ATP6V0D2: variants seen among roughly 807,000 people sequenced by gnomAD.
The protein encoded by ATP6V0D2 is ATPase H+ transporting V0 subunit d2, also known as V-type proton ATPase subunit d 2.
Under a neutral mutation model 40.0 loss-of-function variants are expected in ATP6V0D2, and 40 were observed. That is an observed-to-expected ratio of 1.00 (90% CI 0.78 to 1.30). The LOEUF (loss-of-function observed/expected upper bound fraction) is 1.30, where lower values mean the gene tolerates loss of function less well. Among genes scored for constraint, ATP6V0D2 ranks in the 50% most tolerant of loss-of-function variants. The pLI, the probability that ATP6V0D2 is intolerant of heterozygous loss-of-function variation, is 0.00. For missense variants in ATP6V0D2, 470 were observed against 423.1 expected, an observed-to-expected ratio of 1.11 and a Z score of -0.97; for synonymous variants, 179 against 156.3, an observed-to-expected ratio of 1.15 and a Z score of -1.08.
intron 2 of ATP6V0D2, among the ~76,000 whole-genome samples, chr8:86,136,356 A>G (rs1818896762): frequency 6.6e-6 from 1 of 152,134 alleles, no homozygotes; most frequent in African/African-American, 2.4e-5. Flanking sequence ...CGTTGCTCTA[A>G]TAGTCCTCTG....
At position 86,141,475 on chromosome 8, in the gene ATP6V0D2, T is replaced by C; in HGVS notation, c.507T>C (p.Ser169=). The stretch of plus-strand genomic sequence containing the variant: ...CTCCATTCTTCCAAGACTGCATGTC[T>C]GAAAATGCTCTAGATGAACTGAATA... ...PLAPFFQDCM[S]ENALDELNIE... Residue 169 remains serine, a synonymous_variant, in exon 4 of 8, where the codon TCT becomes TCC. Transcript: ENST00000285393. 1 of 1,611,014 alleles carries C rather than the reference T, an allele frequency of 6.2e-7. No homozygotes were observed.
At chr8:86,134,844 A>G (rs1261692089) in intron 2 of ATP6V0D2, among the ~76,000 whole-genome samples, 4 of 152,218 alleles carry the variant, frequency 2.6e-5, no homozygotes, top group African/African-American at 9.6e-5. Flanking sequence ...ACTCACCAAT[A>G]AAAAGGAACA....
intron 5 of ATP6V0D2, among the ~76,000 whole-genome samples, chr8:86,145,190 G>T (rs1451420821): frequency 1.6e-4 from 2 of 12,356 alleles, no homozygotes; most frequent in Admixed American, 8.1e-4. Flanking sequence ...GAGAAAGAAA[G>T]AAAGAAAAGA....
At chr8:86,107,503 T>C (rs1470699962) in intron 1 of ATP6V0D2, among the ~76,000 whole-genome samples, 1 of 152,260 alleles carries the variant, frequency 6.6e-6, no homozygotes, top group Non-Finnish European at 1.5e-5. Context: ...GTTACTTCTC[T>C]GAGCCTCAGT....
intron 6 of ATP6V0D2, among the ~76,000 whole-genome samples, chr8:86,150,733 T>C (rs977700185): frequency 6.6e-6 from 1 of 152,172 alleles, no homozygotes; most frequent in Admixed American, 6.5e-5. Context: ...GTTTTTCCAC[T>C]CACCTTGCTG....
chr8:86,146,199 T>A (rs1194662944), intron 5 of ATP6V0D2, among the ~76,000 whole-genome samples: 1 of 152,160 alleles, frequency 6.6e-6, no homozygotes, highest in Non-Finnish European at 1.5e-5. Context: ...AAGGTAAGAA[T>A]TACATCTTTG....
chr8:86,135,142 T>G (rs1241856190), intron 2 of ATP6V0D2, among the ~76,000 whole-genome samples: 1 of 152,116 alleles, frequency 6.6e-6, no homozygotes, highest in Non-Finnish European at 1.5e-5. Flanking sequence ...CATGCCAGAG[T>G]GCTTAGTGAA....
At chr8:86,101,771 T>C (rs1818402238) in intron 1 of ATP6V0D2, among the ~76,000 whole-genome samples, 1 of 152,142 alleles carries the variant, frequency 6.6e-6, no homozygotes, top group Admixed American at 6.5e-5. Context: ...GAATTTTCCA[T>C]ACAGCGTCAG....
intron 1 of ATP6V0D2, among the ~76,000 whole-genome samples, chr8:86,106,488 G>A (rs1306975902): frequency 6.6e-6 from 1 of 152,110 alleles, no homozygotes; most frequent in East Asian, 1.9e-4. Flanking sequence ...TCACTGGGAG[G>A]ATCCAAAATA....
chr8:86,115,589 C>T (rs1320002643), intron 2 of ATP6V0D2, among the ~76,000 whole-genome samples: 2 of 151,590 alleles, frequency 1.3e-5, no homozygotes, highest in East Asian at 1.9e-4. Flanking sequence ...GGGCTGGTCT[C>T]GAGCTTCCAA....
chr8:86,143,212 G>A (rs1194107922), intron 5 of ATP6V0D2, among the ~76,000 whole-genome samples: 1 of 152,040 alleles, frequency 6.6e-6, no homozygotes, highest in Non-Finnish European at 1.5e-5. Context: ...CACAGATTTG[G>A]TTATGATTCA....
At chr8:86,143,000 C>A in intron 5 of ATP6V0D2, 46 bp downstream of exon 5, 1 of 1,351,694 alleles carries the variant, frequency 7.4e-7, no homozygotes, top group Non-Finnish European at 1.0e-6. Context: ...AAGGTGCTTA[C>A]ATATTTTTAT....
chr8:86,103,632 A>G (rs530359502), intron 1 of ATP6V0D2, among the ~76,000 whole-genome samples: 22 of 152,224 alleles, frequency 1.4e-4, no homozygotes, highest in Admixed American at 1.4e-3. Flanking sequence ...AACAAGATAG[A>G]GTCCCTGCCC....
intron 5 of ATP6V0D2, among the ~76,000 whole-genome samples, chr8:86,147,652 G>A (rs16890146): frequency 0.016 from 2,375 of 152,200 alleles, 64 homozygotes; most frequent in African/African-American, 0.054. Context: ...AGAAGAGTAA[G>A]GTAGATATAT....
At position 86,139,445 on chromosome 8, in the gene ATP6V0D2, C is replaced by T; in HGVS notation, c.303-12C>T. ...AGCTGTCCTCTAATGATTGAGTTGT[C>T]TTCTGAACCAGGTGCAGTTATATGA... On this transcript the variant is annotated splice_polypyrimidine_tract_variant and intron_variant, in intron 2 of 7. Coordinates refer to ENST00000285393, the MANE Select transcript of ATP6V0D2 (RefSeq NM_152565.1). The T allele has an allele frequency of 1.3e-6, 2 of 1,592,534 alleles. No homozygotes were observed. Among genetic ancestry groups the T allele is most frequent in the Non-Finnish European group, 1.7e-6 (2 of 1,170,762 alleles).
At chr8:86,121,507 T>C (rs1188539973) in intron 2 of ATP6V0D2, among the ~76,000 whole-genome samples, 1 of 151,594 alleles carries the variant, frequency 6.6e-6, no homozygotes, top group Non-Finnish European at 1.5e-5. Flanking sequence ...GAAGTGGAGG[T>C]TGCAGTGAGC....
At chr8:86,150,619 A>C (rs1428834919) in intron 6 of ATP6V0D2, among the ~76,000 whole-genome samples, 1 of 152,102 alleles carries the variant, frequency 6.6e-6, no homozygotes, top group Admixed American at 6.5e-5. Flanking sequence ...TATCAACGTT[A>C]TGTAAAATAG....
intron 5 of ATP6V0D2, among the ~76,000 whole-genome samples, chr8:86,149,055 G>GAAAAAAAA (rs1376369799): frequency 1.9e-4 from 21 of 110,138 alleles, no homozygotes; most frequent in African/African-American, 2.5e-4. Flanking sequence ...TCCAAAGGAA[G>GAAAAAAAA]AAAAAAAAAA....
intron 2 of ATP6V0D2, among the ~76,000 whole-genome samples, chr8:86,116,329 T>C (rs1345091283): frequency 6.6e-6 from 1 of 152,218 alleles, no homozygotes; most frequent in Non-Finnish European, 1.5e-5. Flanking sequence ...TTCTGTACTT[T>C]TTTCCCACTT....
Sources: allele counts gnomAD v4.1 joint callset (sites outside exome capture counted in the v4.1 genomes callset), GRCh38; gene constraint gnomAD v4.1.1; transcripts MANE v1.5; gene names NCBI Gene and HGNC (gene_info 2026-07-23, HGNC 2026-07-21).